The following AHRR variants were observed in gnomAD, a reference collection of about 807,000 sequenced individuals.
AHRR encodes the protein aryl hydrocarbon receptor repressor, also known as ahR repressor.
AHRR carries 28 observed loss-of-function variants against 44.0 expected under a neutral mutation model. The observed-to-expected ratio is 0.64, with a 90% confidence interval of 0.47 to 0.87. The LOEUF (loss-of-function observed/expected upper bound fraction) is 0.87, where lower values mean the gene tolerates loss of function less well. Ranked by LOEUF, AHRR falls within the 40% of genes least tolerant of loss-of-function variation. The probability of loss-of-function intolerance (pLI) is 0.00; values close to 1 mark genes in which losing one functional copy is unlikely to be tolerated. For synonymous variants in AHRR, 434 were observed against 407.0 expected (o/e 1.07, Z -0.80); for missense variants, 990 against 953.9 (o/e 1.04, Z -0.50).
intron 7 of AHRR, 131 bp downstream of exon 7, chr5:424,108 G>A (rs1380565882): frequency 1.1e-5 from 14 of 1,332,664 alleles, no homozygotes; most frequent in South Asian, 5.6e-5. Flanking sequence ...GACGGGGGCC[G>A]GTGCTGAGCT....
intron 2 of AHRR, among the ~76,000 whole-genome samples, chr5:349,407 C>A (rs1156376124): frequency 1.3e-5 from 2 of 152,082 alleles, no homozygotes; most frequent in East Asian, 3.9e-4. Context: ...GAAACCCCGT[C>A]TCCACTAAAA....
At chr5:325,020 G>A (rs909816973) in intron 1 of AHRR, among the ~76,000 whole-genome samples, 5 of 152,204 alleles carry the variant, frequency 3.3e-5, no homozygotes, top group Admixed American at 2.0e-4. Context: ...TTGCCCAGGC[G>A]TTGCAGGGCG....
rs1187643663 is a variant in AHRR, at chr5:434,257, C to G, written c.1517C>G (p.Pro506Arg). ...CAGCGTTTTGCCACGAGGGGCTATCCCATGGAGGACATGAAGCTGCAAGGT... is the reference window on the plus strand; with the variant it reads ...CAGCGTTTTGCCACGAGGGGCTATCGCATGGAGGACATGAAGCTGCAAGGT... ...GAQRFATRGY[P>R]MEDMKLQGVP... Residue 506 changes from proline to arginine, a missense_variant, in exon 11 of 11, where the codon CCC becomes CGC. Coordinates refer to ENST00000684583, the MANE Select transcript of AHRR (RefSeq NM_001377236.1). The G allele has an allele frequency of 6.2e-7, 1 of 1,601,196 alleles. No homozygotes were observed. The highest frequency in any genetic ancestry group is 2.2e-5 in the East Asian group (1 of 44,776).
intron 8 of AHRR, among the ~76,000 whole-genome samples, chr5:429,087 A>G (rs1042487951): frequency 2.0e-5 from 3 of 152,330 alleles, no homozygotes; most frequent in East Asian, 1.9e-4. Flanking sequence ...ATTCGTGTCT[A>G]TAGTTTCCTA....
chr5:377,862 A>T (rs1433597118), intron 4 of AHRR, among the ~76,000 whole-genome samples: 3 of 152,132 alleles, frequency 2.0e-5, no homozygotes, highest in Non-Finnish European at 4.4e-5. Flanking sequence ...CTCCAAGAAG[A>T]CTTTGGAAGA....
intron 5 of AHRR, among the ~76,000 whole-genome samples, chr5:417,220 A>G (rs1735865912): frequency 1.4e-5 from 2 of 146,196 alleles, no homozygotes; most frequent in African/African-American, 5.1e-5. Context: ...CTGTATGTGC[A>G]GGGCCCGAGT....
intron 4 of AHRR, among the ~76,000 whole-genome samples, chr5:410,282 G>A (rs949722512): frequency 5.9e-5 from 9 of 152,142 alleles, no homozygotes; most frequent in Non-Finnish European, 2.9e-5. Flanking sequence ...CTACAGCCTC[G>A]ATTTCCCAGG....
chr5:350,068 T>C (rs1742809056), intron 2 of AHRR, among the ~76,000 whole-genome samples: 1 of 152,230 alleles, frequency 6.6e-6, no homozygotes, highest in Admixed American at 6.5e-5. Context: ...GGTCCCCAGC[T>C]GTGCCCTTCT....
In AHRR at chr5:411,083, T is replaced by C. The variant is rs1182221602; in HGVS notation, c.352-2261T>C. The stretch of plus-strand genomic sequence containing the variant: ...TTAATCTTTTCAAAATTTTCAAAAA[T>C]TCAAATTTTGACTCTGTTAATGGCC... On this transcript the variant is annotated intron_variant, in intron 4 of 10. Transcript: ENST00000684583. This position sits in a 1 kb window ranked among gnomAD's most constrained non-coding sequence, Gnocchi z 4.2. Among the ~76,000 whole-genome samples, 2 of 152,162 alleles carry C rather than the reference T, an allele frequency of 1.3e-5. No homozygotes were observed. Among genetic ancestry groups the C allele is most frequent in the Non-Finnish European group, 2.9e-5 (2 of 68,028 alleles).
intron 3 of AHRR, among the ~76,000 whole-genome samples, chr5:366,060 C>T (rs1414025765): frequency 6.6e-6 from 1 of 151,044 alleles, no homozygotes; most frequent in Non-Finnish European, 1.5e-5. Flanking sequence ...ACTCACCTTC[C>T]CCCCCCACCC....
At chr5:362,900 G>T (rs1743229882) in intron 3 of AHRR, among the ~76,000 whole-genome samples, 1 of 152,202 alleles carries the variant, frequency 6.6e-6, no homozygotes, top group African/African-American at 2.4e-5. Context: ...TCTCATGTCT[G>T]CCCCAGCAAA....
intron 5 of AHRR, among the ~76,000 whole-genome samples, chr5:415,406 CGG>C (rs1560915894): frequency 3.7e-4 from 27 of 73,756 alleles, no homozygotes; most frequent in African/African-American, 1.3e-3. Context: ...TCTGCCTGGT[CGG>C]GTGGGAGGCC....
intron 1 of AHRR, chr5:343,488 T>G: frequency 8.9e-6 from 1 of 112,960 alleles, no homozygotes; most frequent in South Asian, 1.5e-4. Context: ...GAACACGGGA[T>G]CCCGCGTGAC....
intron 1 of AHRR, among the ~76,000 whole-genome samples, chr5:341,505 C>CTCCTT (rs1210067982): frequency 2.7e-5 from 4 of 147,344 alleles, no homozygotes; most frequent in Non-Finnish European, 6.0e-5. Context: ...CTCCCCTCCC[C>CTCCTT]TCCTTTCCTT....
intron 3 of AHRR, among the ~76,000 whole-genome samples, chr5:375,540 T>A (rs2126440746): frequency 6.6e-6 from 1 of 152,356 alleles, no homozygotes; most frequent in South Asian, 2.1e-4. Flanking sequence ...GACGGTGTGC[T>A]GGCCTTAAGG....
intron 5 of AHRR, 145 bp from the exon 6 acceptor site, chr5:422,584 C>T (rs994395456): frequency 1.1e-5 from 12 of 1,115,334 alleles, no homozygotes; most frequent in Admixed American, 1.9e-5. Context: ...CGGGGCCAAG[C>T]GCCGTCTCTT....
Position 370,196 on chromosome 5 carries a change from T to TGCCCCGTCCTCCCGGGCCCTCGCTGGAA in AHRR, c.245-6387_245-6360dup, listed in dbSNP as rs1163612761. Among the ~76,000 whole-genome samples, 19 of 37,848 alleles carry TGCCCCGTCCTCCCGGGCCCTCGCTGGAA rather than the reference T, an allele frequency of 5.0e-4. 3 individuals carry two copies. Among genetic ancestry groups the TGCCCCGTCCTCCCGGGCCCTCGCTGGAA allele is most frequent in the South Asian group, 1.8e-3 (2 of 1,094 alleles). 24.8% of individuals were successfully genotyped at this position (37,848 alleles called of 152,430 possible). A position where few individuals can be genotyped will look rare whatever the true frequency, so the allele number is the denominator to read the frequency against. On this transcript the variant is annotated intron_variant, in intron 3 of 10. Transcript: ENST00000684583. The surrounding 1 kb of genome is among the most constrained non-coding windows in gnomAD (Gnocchi z 4.5). ...CCCCGTCCTCCCGGGCCCTCGCTGGTGCCCCGTCCTCCCGGGCCCTCGCTG... is the reference window on the plus strand; with the variant it reads ...CCCCGTCCTCCCGGGCCCTCGCTGGTGCCCCGTCCTCCCGGGCCCTCGCTGGAAGCCCCGTCCTCCCGGGCCCTCGCTG...
chr5:381,145 A>C (rs1733964869), intron 4 of AHRR, among the ~76,000 whole-genome samples: 1 of 152,246 alleles, frequency 6.6e-6, no homozygotes, highest in African/African-American at 2.4e-5. Context: ...CTGGGCCTCC[A>C]GCCAGTGGAA....
rs973953834 is a variant in AHRR, at chr5:383,204, G to T, written c.351+6488G>T. 1.3e-5 allele frequency among the ~76,000 whole-genome samples: 2 copies of T among 152,172 alleles called. No individual in the cohort carries two copies. The highest frequency in any genetic ancestry group is 6.5e-5 in the Admixed American group (1 of 15,270). The stretch of plus-strand genomic sequence containing the variant: ...TGGTCTGTCTTGATGACTGTTCACT[G>T]CACTGGGAAAATAGGGGTATTCCAC... On this transcript the variant is annotated intron_variant, in intron 4 of 10. Transcript: ENST00000684583. This position sits in a 1 kb window ranked among gnomAD's most constrained non-coding sequence, Gnocchi z 4.0.
Sources: allele counts gnomAD v4.1 joint callset (sites outside exome capture counted in the v4.1 genomes callset), GRCh38; gene constraint gnomAD v4.1.1; non-coding constraint Gnocchi (gnomAD v3.1); transcripts MANE v1.5; gene names NCBI Gene and HGNC (gene_info 2026-07-23, HGNC 2026-07-21).